The following RHOQ variants were observed in gnomAD, a reference collection of about 807,000 sequenced individuals.
RHOQ encodes ras homolog family member Q, also known as rho-related GTP-binding protein RhoQ.
RHOQ carries 7 observed loss-of-function variants against 25.8 expected under a neutral mutation model. The observed-to-expected ratio is 0.27, with a 90% confidence interval of 0.15 to 0.51. The LOEUF is 0.51. Among genes scored for constraint, RHOQ ranks in the 20% least tolerant of loss-of-function variants. The probability of loss-of-function intolerance (pLI) is 0.97; values close to 1 mark genes in which losing one functional copy is unlikely to be tolerated. For missense variants in RHOQ, 165 were observed against 260.6 expected (o/e 0.63, Z 2.53); for synonymous variants, 97 against 98.6 (o/e 0.98, Z 0.10).
intron 2 of RHOQ, among the ~76,000 whole-genome samples, chr2:46,561,485 G>C (rs916196862): frequency 6.6e-6 from 1 of 152,164 alleles, no homozygotes; most frequent in Non-Finnish European, 1.5e-5. Context: ...TCTAAGGTGG[G>C]AAGAGGAGTT....
Position 46,581,432 on chromosome 2 carries a change from C to G in RHOQ, c.*349C>G. On this transcript the variant is annotated 3_prime_UTR_variant, in exon 5 of 5. Coordinates refer to ENST00000238738, the MANE Select transcript of RHOQ (RefSeq NM_012249.4). ...GGCTTTGACCATACACATTTCTGCC[C>G]AGCCCTTACAGAATCTGCACAAAGA... 1 of 1,589,476 alleles carries G rather than the reference C, an allele frequency of 6.3e-7. No homozygotes were observed. Among genetic ancestry groups the G allele is most frequent in the Non-Finnish European group, 8.6e-7 (1 of 1,167,846 alleles).
Position 46,556,663 on chromosome 2 carries a change from G to A in RHOQ, c.201+12851G>A, listed in dbSNP as rs192659762. Reference sequence around the variant, plus strand: ...AGGTGAGGAACACAAAATTCCATCCGATCGGGTTCTTCCCCCGTAGGAGTT... The same window carrying A: ...AGGTGAGGAACACAAAATTCCATCCAATCGGGTTCTTCCCCCGTAGGAGTT... On this transcript the variant is annotated intron_variant, in intron 2 of 4. Coordinates refer to ENST00000238738, the MANE Select transcript of RHOQ (RefSeq NM_012249.4). This position sits in a 1 kb window ranked among gnomAD's most constrained non-coding sequence, Gnocchi z 4.9. 2.0e-5 allele frequency among the ~76,000 whole-genome samples: 3 copies of A among 152,078 alleles called. No homozygotes were observed. The highest frequency in any genetic ancestry group is 1.9e-4 in the East Asian group (1 of 5,186).
Position 46,573,868 on chromosome 2 carries a change from CTAA to C in RHOQ, c.202-2217_202-2215del, listed in dbSNP as rs548830493. Among the ~76,000 whole-genome samples, 199 of 152,320 alleles carry C rather than the reference CTAA, an allele frequency of 1.3e-3. 1 individual carries two copies. Among genetic ancestry groups the C allele is most frequent in the African/African-American group, 4.5e-3 (187 of 41,580 alleles). On this transcript the variant is annotated intron_variant, in intron 2 of 4. Transcript: ENST00000238738. ...TTTAAATAGTCTTAAGGCTAAGTGA[CTAA>C]TGAGTACAGTAATAATATATCATTC...
Position 46,551,052 on chromosome 2 carries a change from C to T in RHOQ, c.201+7240C>T, listed in dbSNP as rs143071169. On this transcript the variant is annotated intron_variant, in intron 2 of 4. Transcript: ENST00000238738. ...TAGAGTACTGGTTGCCAGTGTGGAC[C>T]CCCACACTGGACTCCCAGGGCCCAA... Among the ~76,000 whole-genome samples, 425 of 152,248 alleles carry T rather than the reference C, an allele frequency of 2.8e-3. 5 individuals are homozygous for T. Among genetic ancestry groups the T allele is most frequent in the African/African-American group, 9.7e-3 (402 of 41,532 alleles).
chr2:46,578,895 C>T (rs1207883839), intron 4 of RHOQ, among the ~76,000 whole-genome samples: 1 of 151,388 alleles, frequency 6.6e-6, no homozygotes, highest in Non-Finnish European at 1.5e-5. Flanking sequence ...TCATTTCACT[C>T]GTGTGTGTGT....
rs59246575 is a variant in RHOQ, at chr2:46,578,709, T to C, written c.462+2053T>C. Among the ~76,000 whole-genome samples the C allele has an allele frequency of 3.2e-3, 486 of 150,238 alleles. 8 individuals are homozygous for C. The South Asian group carries it at 0.041, about 13-fold the overall frequency. ...AGGTGGAGGTTGCAGTGAGCCGAGA[T>C]AGTGCCATTGCACTCCAGCCTGGAT... is the stretch of plus-strand genomic sequence containing the variant. On this transcript the variant is annotated intron_variant, in intron 4 of 4. Transcript: ENST00000238738.
intron 2 of RHOQ, 59 bp downstream of exon 2, chr2:46,543,871 C>A: frequency 6.7e-7 from 1 of 1,502,078 alleles, no homozygotes; most frequent in Non-Finnish European, 9.2e-7. Context: ...TTTGTGGCTG[C>A]GAAGGGCCTT....
intron 2 of RHOQ, among the ~76,000 whole-genome samples, chr2:46,562,448 G>A (rs1668605798): frequency 6.6e-6 from 1 of 152,166 alleles, no homozygotes; most frequent in East Asian, 1.9e-4. Flanking sequence ...TATCTGTACT[G>A]TTGCTTCTCT....
chr2:46,578,569 CAAAAAAAAAAAAAAAAAAAAA>C (rs755333304), intron 4 of RHOQ, among the ~76,000 whole-genome samples: 59 of 24,070 alleles, frequency 2.5e-3, no homozygotes, highest in Admixed American at 3.7e-3. Context: ...CCATCTCTAC[CAAAAAAAAAAAAAAAAAAAAA>C]AAAAAAAAAA....
In RHOQ at chr2:46,543,779, G is replaced by A. The variant is rs745694159; in HGVS notation, c.168G>A (p.Gln56=). The A allele has an allele frequency of 2.5e-6, 4 of 1,613,790 alleles. No individual in the cohort carries two copies. Among genetic ancestry groups the A allele is most frequent in the Non-Finnish European group, 3.4e-6 (4 of 1,179,884 alleles). The change falls in exon 2 of 5, where the codon CAG becomes CAA. Residue 56 remains glutamine, a synonymous_variant. Coordinates refer to ENST00000238738, the MANE Select transcript of RHOQ (RefSeq NM_012249.4). The part of the protein sequence containing the change: ...YAVSVTVGGK[Q]YLLGLYDTAG... Reference sequence around the variant, plus strand: ...TCAGCGTCACCGTGGGGGGCAAGCAGTACCTCCTAGGACTCTATGACACGG... The same window carrying A: ...TCAGCGTCACCGTGGGGGGCAAGCAATACCTCCTAGGACTCTATGACACGG...
chr2:46,555,340 G>C lies in RHOQ; in HGVS notation c.201+11528G>C, dbSNP rs955711757. On this transcript the variant is annotated intron_variant, in intron 2 of 4. Transcript: ENST00000238738. This position sits in a 1 kb window ranked among gnomAD's most constrained non-coding sequence, Gnocchi z 4.3. ...ATGCAGATTGTAAACTCTTCCCCTT[G>C]CCGTCCCTGCAGGACTGCACGTAGC... Among the ~76,000 whole-genome samples, 3 of 152,176 alleles carry C rather than the reference G, an allele frequency of 2.0e-5. No homozygotes were observed. The highest frequency in any genetic ancestry group is 2.9e-5 in the Non-Finnish European group (2 of 68,038).
In RHOQ at chr2:46,584,463, G is replaced by T. The variant is rs1185577742; in HGVS notation, c.*3380G>T. ...TACTAAATTGTATTTTAATCATTTT[G>T]TAATTTCAGTATGGCTCTTTGTTCT... On this transcript the variant is annotated 3_prime_UTR_variant, in exon 5 of 5. Coordinates refer to ENST00000238738, the MANE Select transcript of RHOQ (RefSeq NM_012249.4). Among the ~76,000 whole-genome samples the T allele has an allele frequency of 1.3e-5, 2 of 151,860 alleles. No individual in the cohort carries two copies. Among genetic ancestry groups the T allele is most frequent in the African/African-American group, 4.9e-5 (2 of 41,182 alleles).
In RHOQ at chr2:46,542,572, G is replaced by GGGGGCGCGTGGCGC. The variant is rs1241374926; in HGVS notation, c.-471_-458dup. The GGGGGCGCGTGGCGC allele has an allele frequency of 7.5e-5, 11 of 147,232 alleles. No individual in the cohort carries two copies. Among genetic ancestry groups the GGGGGCGCGTGGCGC allele is most frequent in the Admixed American group, 7.4e-4 (11 of 14,826 alleles). 9.1% of individuals were successfully genotyped at this position (147,232 alleles called of 1,614,324 possible). On this transcript the variant is annotated 5_prime_UTR_variant, in exon 1 of 5. Transcript: ENST00000238738. ...GCAGGGCCGCGCGGCGGCAGCAGGC[G>GGGGGCGCGTGGCGC]GGGGCGCGTGGCGCGGGCCGCGCTC...
chr2:46,559,080 A>G (rs1484656360), intron 2 of RHOQ, among the ~76,000 whole-genome samples: 1 of 152,106 alleles, frequency 6.6e-6, no homozygotes, highest in Admixed American at 6.5e-5. Context: ...CAGCTTCCTG[A>G]GTAGTTGGGA....
intron 4 of RHOQ, among the ~76,000 whole-genome samples, chr2:46,577,538 T>TAC (rs1320169646): frequency 6.7e-6 from 1 of 149,308 alleles, no homozygotes; most frequent in Non-Finnish European, 1.5e-5. Flanking sequence ...TAGCTGGGAC[T>TAC]ACAGGTGCCT....
In RHOQ at chr2:46,543,770, G is replaced by C. The variant is rs754347806; in HGVS notation, c.159G>C (p.Gly53=). 4 of 1,613,810 alleles carry C rather than the reference G, an allele frequency of 2.5e-6. No homozygotes were observed. The South Asian group carries it at 4.4e-5, about 18-fold the overall frequency. Residue 53 remains glycine, a synonymous_variant, in exon 2 of 5, where the codon GGG becomes GGC. Coordinates refer to ENST00000238738, the MANE Select transcript of RHOQ (RefSeq NM_012249.4). ...TCCTTGCAGTCAGCGTCACCGTGGG[G>C]GGCAAGCAGTACCTCCTAGGACTCT... ...FDHYAVSVTV[G]GKQYLLGLYD...
intron 2 of RHOQ, among the ~76,000 whole-genome samples, chr2:46,554,109 TTG>T (rs1397919906): frequency 4.1e-5 from 6 of 147,488 alleles, no homozygotes; most frequent in South Asian, 2.1e-4. Context: ...CAGGATCTCA[TTG>T]TGTGTGTGTG....
At position 46,543,757 on chromosome 2, in the gene RHOQ, G is replaced by T; in HGVS notation, c.146G>T (p.Ser49Ile). 6.2e-7 allele frequency: 1 copy of T among 1,613,682 alleles called. No homozygotes were observed. Reference protein sequence around the residue: ...VPTVFDHYAVSVTVGGKQYLL... With the variant: ...VPTVFDHYAVIVTVGGKQYLL... ...GCCCCCACTTCTGTCCTTGCAGTCA[G>T]CGTCACCGTGGGGGGCAAGCAGTAC... The change falls in exon 2 of 5, where the codon AGC becomes ATC. Residue 49 changes from serine to isoleucine, a missense_variant. Transcript: ENST00000238738.
At chr2:46,561,679 T>C (rs1004298521) in intron 2 of RHOQ, among the ~76,000 whole-genome samples, 4 of 152,326 alleles carry the variant, frequency 2.6e-5, no homozygotes, top group African/African-American at 9.6e-5. Context: ...TGAATCCCTG[T>C]GGCACTTAGC....
Sources: allele counts gnomAD v4.1 joint callset (sites outside exome capture counted in the v4.1 genomes callset), GRCh38; gene constraint gnomAD v4.1.1; non-coding constraint Gnocchi (gnomAD v3.1); transcripts MANE v1.5; gene names NCBI Gene and HGNC (gene_info 2026-07-23, HGNC 2026-07-21).